PARP4: variants seen among roughly 807,000 people sequenced by gnomAD.
PARP4 encodes protein mono-ADP-ribosyltransferase PARP4.
PARP4 carries 120 observed loss-of-function variants against 187.7 expected under a neutral mutation model. The observed-to-expected ratio is 0.64, with a 90% CI of 0.55 to 0.74. The LOEUF is 0.74. Among genes scored for constraint, PARP4 ranks in the 30% least tolerant of loss-of-function variants. The pLI, the probability that PARP4 is intolerant of heterozygous loss-of-function variation, is 0.00. For synonymous variants in PARP4, 654 were observed against 740.9 expected, an observed-to-expected ratio of 0.88 and a Z score of 1.90; for missense variants, 1,836 against 2,070.5, an observed-to-expected ratio of 0.89 and a Z score of 2.20.
intron 10 of PARP4, among the ~76,000 whole-genome samples, chr13:24,490,360 T>C (rs1868571362): frequency 6.6e-6 from 1 of 151,998 alleles, no homozygotes; most frequent in South Asian, 2.1e-4. Flanking sequence ...TTTAAATCAG[T>C]TTAAGTGGCT....
In PARP4 at chr13:24,475,567, T is replaced by C; in HGVS notation, c.1819A>G (p.Ser607Gly). The C allele has an allele frequency of 6.2e-7, 1 of 1,614,138 alleles. No individual in the cohort carries two copies. The highest frequency in any genetic ancestry group is 1.1e-5 in the South Asian group (1 of 91,086). The stretch of plus-strand genomic sequence containing the variant: ...TCCTGGAGGCCGGCCTTGGTGCTGC[T>C]GGAAGTTTTGGCATCTGGTAACTGG... ...DYQLPDAKTS[S>G]STKAGLQDAS... is the part of the protein sequence containing the mutation. Residue 607 changes from serine to glycine, a missense_variant, in exon 15 of 34, where the codon AGC becomes GGC. Ser to Gly is a moderately conservative substitution (Grantham distance 56). Around this residue, in one of 8 missense-constraint regions of PARP4, gnomAD observed 1,147 missense variants for 1,214.2 expected, o/e 0.94. Transcript: ENST00000381989.
At chr13:24,510,018 AT>A (rs1418408397) in intron 1 of PARP4, among the ~76,000 whole-genome samples, 1 of 152,056 alleles carries the variant, frequency 6.6e-6, no homozygotes, top group Middle Eastern at 3.4e-3. Flanking sequence ...TGATATTTTA[AT>A]TTTTTTGGTG....
chr13:24,432,406 C>A (rs1245308765), intron 31 of PARP4, among the ~76,000 whole-genome samples: 1 of 152,140 alleles, frequency 6.6e-6, no homozygotes, highest in African/African-American at 2.4e-5. Flanking sequence ...CAAAAAGTCA[C>A]CAACATTTAA....
intron 1 of PARP4, among the ~76,000 whole-genome samples, chr13:24,511,439 C>G (rs780019963): frequency 7.2e-5 from 11 of 152,224 alleles, no homozygotes; most frequent in Non-Finnish European, 1.0e-4. Context: ...AGCCTGTCCC[C>G]CTTCCCAGCT....
intron 22 of PARP4, among the ~76,000 whole-genome samples, chr13:24,454,448 G>A (rs746459696): frequency 8.5e-5 from 13 of 152,308 alleles, no homozygotes; most frequent in Middle Eastern, 3.4e-3. Context: ...CATCCCTGAG[G>A]TGCTGCCTTC....
chr13:24,457,896 C>T (rs1460632266), intron 20 of PARP4, among the ~76,000 whole-genome samples: 1 of 150,478 alleles, frequency 6.6e-6, no homozygotes, highest in Non-Finnish European at 1.5e-5. Context: ...CAGTTACATA[C>T]AATGAATGAA....
In PARP4 at chr13:24,486,173, C is replaced by G; in HGVS notation, c.1347G>C (p.Leu449Phe). The G allele has an allele frequency of 6.2e-7, 1 of 1,609,594 alleles. No individual in the cohort carries two copies. The highest frequency in any genetic ancestry group is 1.1e-5 in the South Asian group (1 of 89,568). ...ATAAAGATGGCTACTCTTACCGACA[C>G]AAGATTCCCACGATGTTTTGTACAG... ...GSPVQNIVGI[L>F]CRGLLLPKVV... The change falls in exon 11 of 34, where the codon TTG becomes TTC. Residue 449 changes from leucine to phenylalanine, a missense_variant. This residue lies in a region of PARP4 where 1,147 missense variants were observed against 1,214.2 expected (regional missense o/e 0.94). Transcript: ENST00000381989.
intron 33 of PARP4, among the ~76,000 whole-genome samples, chr13:24,421,734 A>G (rs2137424121): frequency 6.6e-6 from 1 of 152,418 alleles, no homozygotes; most frequent in East Asian, 1.9e-4. Flanking sequence ...AGGTACCTTC[A>G]GAATATCTGA....
intron 14 of PARP4, 54 bp downstream of exon 14, chr13:24,477,647 T>C (rs1264634511): frequency 1.1e-4 from 108 of 940,070 alleles, no homozygotes; most frequent in Non-Finnish European, 6.0e-5. Flanking sequence ...AAATATAACA[T>C]TTGAGGTCTA....
chr13:24,501,605 C>A (rs776436406), intron 3 of PARP4, 28 bp downstream of exon 3: 1 of 1,509,608 alleles, frequency 6.6e-7, no homozygotes, highest in Admixed American at 1.7e-5. Flanking sequence ...ACCTATGATA[C>A]GTTAAATGCT....
intron 1 of PARP4, among the ~76,000 whole-genome samples, chr13:24,506,028 C>A (rs1869635187): frequency 6.6e-6 from 1 of 152,250 alleles, no homozygotes; most frequent in Non-Finnish European, 1.5e-5. Flanking sequence ...GAGGCCCCAC[C>A]CTACCTAGTG....
In PARP4 at chr13:24,453,591, A is replaced by G; in HGVS notation, c.2822T>C (p.Ile941Thr). The change falls in exon 23 of 34, where the codon ATC (isoleucine) becomes ACC (threonine). Residue 941 changes from isoleucine (I) to threonine (T), a missense_variant. By Grantham distance (89) the Ile-to-Thr change is moderately conservative (BLOSUM62 -1). Coordinates refer to ENST00000381989, the MANE Select transcript of PARP4 (RefSeq NM_006437.4). ...ITSNTMAAEFIMSATPTMGNT... is the reference protein window; with the variant it reads ...ITSNTMAAEFTMSATPTMGNT... ...CAGGAAGCCTCTTGCACTCACCATG[A>G]TGAACTCTGCTGCCATGGTATTGCT... 5 of 1,589,802 alleles carry G rather than the reference A, an allele frequency of 3.1e-6. No individual in the cohort carries two copies. The highest frequency in any genetic ancestry group is 1.1e-5 in the South Asian group (1 of 90,522).
At chr13:24,499,222 C>A in intron 5 of PARP4, 79 bp downstream of exon 5, 3 of 1,407,056 alleles carry the variant, frequency 2.1e-6, no homozygotes, top group Non-Finnish European at 2.8e-6. Context: ...AGAAAATGAC[C>A]GAATAGGAAA....
chr13:24,501,441 A>G (rs781757386), intron 3 of PARP4, among the ~76,000 whole-genome samples, 192 bp downstream of exon 3: 1 of 152,190 alleles, frequency 6.6e-6, no homozygotes, highest in African/African-American at 2.4e-5. Context: ...ACTAGGCTAG[A>G]TATCAAGAAA....
At chr13:24,459,888 C>T in intron 18 of PARP4, 84 bp downstream of exon 18, 3 of 1,122,880 alleles carry the variant, frequency 2.7e-6, no homozygotes, top group South Asian at 1.7e-5. Flanking sequence ...TGTTTTTCTC[C>T]CCAGGCATAA....
chr13:24,474,044 A>C (rs1872854987), intron 15 of PARP4, among the ~76,000 whole-genome samples: 1 of 152,102 alleles, frequency 6.6e-6, no homozygotes, highest in African/African-American at 2.4e-5. Flanking sequence ...CTATGTAGTC[A>C]CAAGACCTAC....
intron 2 of PARP4, among the ~76,000 whole-genome samples, chr13:24,503,051 T>TA (rs1267145152): frequency 6.6e-6 from 1 of 152,172 alleles, no homozygotes; most frequent in Non-Finnish European, 1.5e-5. Flanking sequence ...TGAGGTGGTT[T>TA]AAAAAAGAGG....
At chr13:24,453,527 G>T in intron 23 of PARP4, 60 bp downstream of exon 23, 1 of 1,023,120 alleles carries the variant, frequency 9.8e-7, no homozygotes, top group Non-Finnish European at 1.5e-6. Context: ...AAGCCCTGGA[G>T]GTCCCCTTAA....
intron 32 of PARP4, among the ~76,000 whole-genome samples, chr13:24,430,747 T>C (rs923824053): frequency 2.0e-4 from 31 of 152,062 alleles, no homozygotes; most frequent in Non-Finnish European, 4.0e-4. Flanking sequence ...CTTCCTCATC[T>C]ATCCCCTTGT....
Sources: gnomAD v4.1 joint callset for allele counts (sites outside exome capture counted in the v4.1 genomes callset) on GRCh38, gnomAD v4.1.1 for gene constraint, gnomAD v4.1.1 regional missense constraint, MANE v1.5 for transcripts, NCBI Gene and HGNC (gene_info 2026-07-23, HGNC 2026-07-21) for gene names.